Variants in PLEK2 observed in about 807,000 individuals in gnomAD.
PLEK2 encodes the protein pleckstrin 2, also known as pleckstrin-2.
PLEK2 carries 29 observed loss-of-function variants against 43.8 expected under a neutral mutation model. The observed-to-expected ratio is 0.66, with a 90% CI of 0.49 to 0.90. The LOEUF (loss-of-function observed/expected upper bound fraction) is 0.90. Among genes scored for constraint, PLEK2 ranks in the 40% least tolerant of loss-of-function variants. The pLI is 0.00. For synonymous variants in PLEK2, 162 were observed against 173.2 expected, an observed-to-expected ratio of 0.94 and a Z score of 0.51; for missense variants, 398 against 448.1, an observed-to-expected ratio of 0.89 and a Z score of 1.01.
In PLEK2 at chr14:67,395,462, T is replaced by C; in HGVS notation, c.329A>G (p.Lys110Arg). 1 of 1,614,024 alleles carries C rather than the reference T, an allele frequency of 6.2e-7. No individual in the cohort carries two copies. The highest frequency in any genetic ancestry group is 8.5e-7 in the Non-Finnish European group (1 of 1,179,926). ...TCTCAGGCTGTGCAGCTGCTGGACC[T>C]TCCCCGGCTGCCCTGCATGAATAGC... Reference protein sequence around the residue: ...TGAIHAGQPGKVQQLHSLRNS... With the variant: ...TGAIHAGQPGRVQQLHSLRNS... The change falls in exon 3 of 9, where the codon AAG (lysine) becomes AGG (arginine). Residue 110 changes from lysine to arginine, a missense_variant. Transcript: ENST00000216446.
At chr14:67,395,323 C>A in intron 3 of PLEK2, 79 bp downstream of exon 3, 3 of 1,297,010 alleles carry the variant, frequency 2.3e-6, no homozygotes, top group East Asian at 2.3e-5. Context: ...GCACAGAGCC[C>A]CCCCAAGGGG....
intron 1 of PLEK2, among the ~76,000 whole-genome samples, chr14:67,404,922 T>G (rs1400479225): frequency 6.6e-6 from 1 of 151,014 alleles, no homozygotes; most frequent in African/African-American, 2.4e-5. Flanking sequence ...CTCTAAGGAG[T>G]AAGAGTGGAT....
At chr14:67,393,093 C>T in intron 4 of PLEK2, 57 bp downstream of exon 4, 1 of 1,298,286 alleles carries the variant, frequency 7.7e-7, no homozygotes. Flanking sequence ...ACAGCTGAGC[C>T]CTGCATCACC....
intron 1 of PLEK2, among the ~76,000 whole-genome samples, chr14:67,401,959 T>C (rs1044463074): frequency 2.0e-5 from 3 of 152,108 alleles, no homozygotes; most frequent in Non-Finnish European, 2.9e-5. Context: ...GGTGAAACCC[T>C]GTCTCTGCTA....
At chr14:67,394,802 T>G (rs2085994464) in intron 3 of PLEK2, among the ~76,000 whole-genome samples, 1 of 152,166 alleles carries the variant, frequency 6.6e-6, no homozygotes, top group Non-Finnish European at 1.5e-5. Context: ...TGTGAATGGA[T>G]TAATGGGTTA....
At chr14:67,397,214 C>T (rs1234483415) in intron 2 of PLEK2, among the ~76,000 whole-genome samples, 3 of 152,208 alleles carry the variant, frequency 2.0e-5, no homozygotes, top group Non-Finnish European at 2.9e-5. Context: ...GTTGGGATTA[C>T]AGGCGTGAGC....
chr14:67,407,795 G>T (rs1283006144), intron 1 of PLEK2, among the ~76,000 whole-genome samples: 1 of 152,044 alleles, frequency 6.6e-6, no homozygotes, highest in Non-Finnish European at 1.5e-5. Context: ...CTTGCCCAAG[G>T]CTCTATAACC....
chr14:67,405,224 C>CAAAA (rs770594121), intron 1 of PLEK2, among the ~76,000 whole-genome samples: 10 of 40,380 alleles, frequency 2.5e-4, no homozygotes, highest in South Asian at 7.9e-4. Context: ...GAGTCCATCT[C>CAAAA]AAAAAAAAAA....
At chr14:67,403,334 T>C (rs1374271367) in intron 1 of PLEK2, among the ~76,000 whole-genome samples, 1 of 152,180 alleles carries the variant, frequency 6.6e-6, no homozygotes, top group Non-Finnish European at 1.5e-5. Flanking sequence ...AAAGAGCAGA[T>C]TGTTCTGATA....
chr14:67,391,168 C>A (rs970542276), intron 6 of PLEK2, among the ~76,000 whole-genome samples: 3 of 152,118 alleles, frequency 2.0e-5, no homozygotes, highest in Non-Finnish European at 4.4e-5. Context: ...TCAGTCTACA[C>A]GTGTGCCCAC....
chr14:67,391,269 A>ATGTG (rs145218491), intron 6 of PLEK2, among the ~76,000 whole-genome samples: 3,397 of 139,536 alleles, frequency 0.024, 106 homozygotes, highest in African/African-American at 0.08. Flanking sequence ...TAAGCAGCTG[A>ATGTG]TATGTGTGTG....
Position 67,411,911 on chromosome 14 carries a change from G to A in PLEK2, c.42+107C>T, listed in dbSNP as rs893695763. 3.0e-5 allele frequency: 31 copies of A among 1,038,372 alleles called. No individual in the cohort carries two copies. The South Asian group carries it at 4.6e-4, about 15-fold the overall frequency. 64.3% of individuals were successfully genotyped at this position (1,038,372 alleles called of 1,614,324 possible). ...CGGTCCCACCATGGGGGTTGGGGAT[G>A]GGAACCAGAGCATGCCCGTTCCGGG... is the stretch of plus-strand genomic sequence containing the variant. On this transcript the variant is annotated intron_variant, in intron 1 of 8. Transcript: ENST00000216446.
intron 3 of PLEK2, among the ~76,000 whole-genome samples, chr14:67,394,193 C>T (rs1011458007): frequency 1.3e-5 from 2 of 152,192 alleles, no homozygotes. Flanking sequence ...CAGACACACA[C>T]TGCTTTTGTA....
At chr14:67,401,683 A>G (rs1386808090) in intron 1 of PLEK2, among the ~76,000 whole-genome samples, 1 of 152,232 alleles carries the variant, frequency 6.6e-6, no homozygotes, top group African/African-American at 2.4e-5. Context: ...TCTATCATGC[A>G]GAACCATGAG....
chr14:67,408,733 C>G (rs2086098007), intron 1 of PLEK2, among the ~76,000 whole-genome samples: 1 of 152,212 alleles, frequency 6.6e-6, no homozygotes, highest in Admixed American at 6.5e-5. Flanking sequence ...GCCCTGGCAA[C>G]ACCTTGATTT....
chr14:67,392,586 G>T, intron 5 of PLEK2, 76 bp downstream of exon 5: 1 of 1,373,860 alleles, frequency 7.3e-7, no homozygotes, highest in Non-Finnish European at 1.0e-6. Context: ...CATGACTGTG[G>T]CCCCCAGGCC....
intron 1 of PLEK2, among the ~76,000 whole-genome samples, chr14:67,398,623 C>T (rs2086027505): frequency 6.7e-6 from 1 of 149,038 alleles, no homozygotes; most frequent in African/African-American, 2.4e-5. Flanking sequence ...CACCTGAGAA[C>T]CACCTAAACG....
rs2085983322 is a variant in PLEK2 at position 67,393,374 on chromosome 14, T to C, written c.390-133A>G. The C allele has an allele frequency of 3.6e-5, 26 of 714,332 alleles. No individual in the cohort carries two copies. The South Asian group carries it at 4.1e-4, about 11-fold the overall frequency. 44.2% of individuals were successfully genotyped at this position (714,332 alleles called of 1,614,324 possible). A position where few individuals can be genotyped will look rare whatever the true frequency, so the allele number is the denominator to read the frequency against. ...ACACACATCACAAAGAAAAGGGGTG[T>C]AGGAAAGCAGCCTTTTGAATGGCAA... On this transcript the variant is annotated intron_variant, in intron 3 of 8. Transcript: ENST00000216446.
intron 1 of PLEK2, among the ~76,000 whole-genome samples, chr14:67,399,839 T>G (rs1338662279): frequency 6.6e-6 from 1 of 152,186 alleles, no homozygotes; most frequent in Non-Finnish European, 1.5e-5. Context: ...TCTAGAAAGA[T>G]CAGTGGATGG....
Sources: allele counts gnomAD v4.1 joint callset (sites outside exome capture counted in the v4.1 genomes callset), GRCh38; gene constraint gnomAD v4.1.1; transcripts MANE v1.5; gene names NCBI Gene and HGNC (gene_info 2026-07-23, HGNC 2026-07-21).